ADGRL3: variants seen among roughly 807,000 people sequenced by gnomAD.
ADGRL3 encodes the protein adhesion G protein-coupled receptor L3.
A neutral mutation model predicts 153.5 loss-of-function variants in ADGRL3; 62 were observed. The observed-to-expected ratio is 0.40, with a 90% CI of 0.33 to 0.50. The LOEUF (loss-of-function observed/expected upper bound fraction) is 0.50. ADGRL3 is among the 20% of genes least tolerant of loss of function. The pLI is 0.47. For synonymous variants in ADGRL3, 710 were observed against 672.5 expected, an observed-to-expected ratio of 1.06 and a Z score of -0.86; for missense variants, 1,641 against 1,859.4, an observed-to-expected ratio of 0.88 and a Z score of 2.16.
At chr4:61,284,989 T>C (rs2093876906) in intron 1 of ADGRL3, among the ~76,000 whole-genome samples, 1 of 151,788 alleles carries the variant, frequency 6.6e-6, no homozygotes, top group Non-Finnish European at 1.5e-5. Flanking sequence ...TTCTATAATA[T>C]ACTTATTGAT....
At chr4:62,008,745 A>C (rs1252843856) in intron 21 of ADGRL3, among the ~76,000 whole-genome samples, 3 of 151,632 alleles carry the variant, frequency 2.0e-5, no homozygotes, top group Non-Finnish European at 4.4e-5. Context: ...GTATATATAG[A>C]TACAAATATA....
intron 9 of ADGRL3, among the ~76,000 whole-genome samples, chr4:61,828,352 T>C (rs997024069): frequency 6.6e-6 from 1 of 152,130 alleles, no homozygotes; most frequent in African/African-American, 2.4e-5. Context: ...ATGGAAAATG[T>C]CTTAGGCTTG....
chr4:62,031,340 AG>A, intron 22 of ADGRL3, 101 bp from the exon 23 acceptor site: 1 of 950,460 alleles, frequency 1.1e-6, no homozygotes. Context: ...TGTCAATAAA[AG>A]TTACTGTAAC....
intron 13 of ADGRL3, 71 bp downstream of exon 13, chr4:61,912,828 T>C (rs536499239): frequency 2.3e-5 from 32 of 1,367,704 alleles, no homozygotes; most frequent in Middle Eastern, 3.6e-4. Context: ...AATGGACACC[T>C]GATAGAAAAA....
chr4:61,747,387 T>G (rs928300813), intron 8 of ADGRL3, among the ~76,000 whole-genome samples: 64 of 152,132 alleles, frequency 4.2e-4, no homozygotes, highest in Non-Finnish European at 6.2e-4. Flanking sequence ...AACCAAAGCC[T>G]GGCAGAGACA....
At position 61,749,978 on chromosome 4, in the gene ADGRL3, G is replaced by A. The variant is rs113425305; in HGVS notation, c.1399+16424G>A. On this transcript the variant is annotated intron_variant, in intron 8 of 26. Coordinates refer to ENST00000683033, the MANE Select transcript of ADGRL3 (RefSeq NM_001387552.1). Reference sequence around the variant, plus strand: ...AGTAGTTGAAATTGGATTTAAGTCAGAAGATGAATGATTCATTGATTGATT... The same window carrying A: ...AGTAGTTGAAATTGGATTTAAGTCAAAAGATGAATGATTCATTGATTGATT... Among the ~76,000 whole-genome samples, 839 of 152,190 alleles carry A rather than the reference G, an allele frequency of 5.5e-3. 10 individuals are homozygous for A. Among genetic ancestry groups the A allele is most frequent in the African/African-American group, 0.018 (768 of 41,554 alleles).
chr4:61,785,088 G>A (rs367595709), intron 8 of ADGRL3, among the ~76,000 whole-genome samples: 1 of 152,216 alleles, frequency 6.6e-6, no homozygotes, highest in East Asian at 1.9e-4. Context: ...TAAATTGATA[G>A]GATTGATAGG....
At chr4:61,327,234 T>G (rs527309183) in intron 1 of ADGRL3, among the ~76,000 whole-genome samples, 8 of 151,960 alleles carry the variant, frequency 5.3e-5, no homozygotes, top group African/African-American at 1.9e-4. Flanking sequence ...AGAGCTTCCC[T>G]CTTTTTCCCT....
At chr4:61,725,436 CA>C (rs2096312590) in intron 6 of ADGRL3, among the ~76,000 whole-genome samples, 1 of 151,930 alleles carries the variant, frequency 6.6e-6, no homozygotes, top group Non-Finnish European at 1.5e-5. Flanking sequence ...ACTAAAAATA[CA>C]AAACAAAATT....
intron 2 of ADGRL3, among the ~76,000 whole-genome samples, chr4:61,465,881 G>T (rs1198820208): frequency 6.6e-6 from 1 of 151,362 alleles, no homozygotes; most frequent in African/African-American, 2.4e-5. Context: ...GAGGACTTGG[G>T]GAGGCCTATG....
intron 20 of ADGRL3, 75 bp downstream of exon 20, chr4:61,996,432 T>A (rs2099121915): frequency 2.9e-6 from 3 of 1,017,202 alleles, no homozygotes; most frequent in Non-Finnish European, 4.5e-6. Flanking sequence ...CTGACTGTCT[T>A]TAATTTACAG....
intron 4 of ADGRL3, among the ~76,000 whole-genome samples, chr4:61,554,358 T>G (rs2148865995): frequency 6.6e-6 from 1 of 152,000 alleles, no homozygotes; most frequent in South Asian, 2.1e-4. Context: ...CACGTCTAGC[T>G]AATTTTTTTG....
chr4:61,573,661 C>G (rs1439219945), intron 4 of ADGRL3, among the ~76,000 whole-genome samples: 1 of 151,908 alleles, frequency 6.6e-6, no homozygotes, highest in Non-Finnish European at 1.5e-5. Context: ...AGAATATCTT[C>G]TTTTGTGTGT....
intron 1 of ADGRL3, among the ~76,000 whole-genome samples, chr4:61,330,553 T>C (rs2095551164): frequency 6.6e-6 from 1 of 152,124 alleles, no homozygotes; most frequent in Non-Finnish European, 1.5e-5. Flanking sequence ...TCCATAATCA[T>C]GTTGTGTCCT....
At position 61,935,027 on chromosome 4, in the gene ADGRL3, A is replaced by G. The variant is rs370172889; in HGVS notation, c.2296+4A>G. ...AGGGAGAATACAGACAATATTAGTA[A>G]GTGGCCTTTGTTATTCAGAAGGTCC... On this transcript the variant is annotated splice_donor_region_variant and intron_variant, in intron 14 of 26. Coordinates refer to ENST00000683033, the MANE Select transcript of ADGRL3 (RefSeq NM_001387552.1). The G allele has an allele frequency of 1.2e-5, 20 of 1,612,922 alleles. No individual in the cohort carries two copies. The African/African-American group carries it at 2.3e-4, about 18-fold the overall frequency.
At chr4:61,665,497 C>T (rs1284879204) in intron 5 of ADGRL3, among the ~76,000 whole-genome samples, 1 of 152,006 alleles carries the variant, frequency 6.6e-6, no homozygotes, top group Non-Finnish European at 1.5e-5. Flanking sequence ...CAAGTAATAC[C>T]TGGAAATTCA....
intron 15 of ADGRL3, among the ~76,000 whole-genome samples, chr4:61,938,155 G>A (rs2098847025): frequency 6.6e-6 from 1 of 152,148 alleles, no homozygotes; most frequent in African/African-American, 2.4e-5. Flanking sequence ...GTAACTCACG[G>A]TGGGATGGCA....
intron 2 of ADGRL3, among the ~76,000 whole-genome samples, chr4:61,416,737 T>C (rs547506056): frequency 4.6e-5 from 7 of 152,294 alleles, no homozygotes; most frequent in African/African-American, 1.7e-4. Flanking sequence ...GGAACCAGTT[T>C]TGTGGAAGAC....
At chr4:61,355,106 AG>A (rs1245671347) in intron 1 of ADGRL3, among the ~76,000 whole-genome samples, 3 of 152,088 alleles carry the variant, frequency 2.0e-5, no homozygotes, top group Non-Finnish European at 4.4e-5. Flanking sequence ...TTAACTCTCT[AG>A]TGGGTGATGT....
Sources: allele counts gnomAD v4.1 joint callset (sites outside exome capture counted in the v4.1 genomes callset), GRCh38; gene constraint gnomAD v4.1.1; transcripts MANE v1.5; gene names NCBI Gene and HGNC (gene_info 2026-07-23, HGNC 2026-07-21).